The following TRAPPC9 variants were observed in gnomAD, a reference collection of about 807,000 sequenced individuals.
TRAPPC9 encodes the protein trafficking protein particle complex subunit 9.
Under a neutral mutation model 124.0 loss-of-function variants are expected in TRAPPC9, and 83 were observed. The observed-to-expected ratio is 0.67, with a 90% CI of 0.56 to 0.80. The LOEUF (loss-of-function observed/expected upper bound fraction) is 0.80. Ranked by LOEUF, TRAPPC9 falls within the 30% of genes least tolerant of loss-of-function variation. The pLI, the probability that TRAPPC9 is intolerant of heterozygous loss-of-function variation, is 0.00. For missense variants in TRAPPC9, 1,302 were observed against 1,508.3 expected (o/e 0.86, Z 2.27); for synonymous variants, 638 against 617.5 (o/e 1.03, Z -0.49).
intron 17 of TRAPPC9, among the ~76,000 whole-genome samples, chr8:140,205,075 G>A (rs971359766): frequency 6.6e-6 from 1 of 152,222 alleles, no homozygotes; most frequent in Non-Finnish European, 1.5e-5. Flanking sequence ...AAGAAAGTAT[G>A]TGTAGGAATA....
chr8:140,141,568 T>C (rs1343863385), intron 17 of TRAPPC9, among the ~76,000 whole-genome samples: 2 of 152,210 alleles, frequency 1.3e-5, no homozygotes, highest in East Asian at 1.9e-4. Context: ...TCCTTCTAGA[T>C]AAATCAGGAC....
chr8:140,162,675 C>A (rs1483983988), intron 17 of TRAPPC9, among the ~76,000 whole-genome samples: 1 of 152,180 alleles, frequency 6.6e-6, no homozygotes, highest in African/African-American at 2.4e-5. Flanking sequence ...GCGCTTCTTG[C>A]CGCTGAACTC....
intron 19 of TRAPPC9, among the ~76,000 whole-genome samples, chr8:139,979,766 G>A (rs145923522): frequency 1.0e-3 from 153 of 152,306 alleles, no homozygotes; most frequent in Non-Finnish European, 1.8e-3. Flanking sequence ...GACCCACAGC[G>A]TCGAGGACAG....
chr8:140,211,930 A>T (rs988691938), intron 17 of TRAPPC9, among the ~76,000 whole-genome samples: 1 of 152,230 alleles, frequency 6.6e-6, no homozygotes, highest in African/African-American at 2.4e-5. Flanking sequence ...AGGTGCTACC[A>T]TCCAGGTGGG....
intron 16 of TRAPPC9, among the ~76,000 whole-genome samples, chr8:140,231,648 C>T (rs1055039708): frequency 2.7e-5 from 4 of 149,404 alleles, no homozygotes; most frequent in African/African-American, 9.9e-5. Flanking sequence ...GTGGCACCAC[C>T]ACACACAGCT....
At chr8:139,882,397 C>T (rs1389226484) in intron 21 of TRAPPC9, among the ~76,000 whole-genome samples, 1 of 152,208 alleles carries the variant, frequency 6.6e-6, no homozygotes, top group African/African-American at 2.4e-5. Context: ...GCCTCTACTA[C>T]ACCACAGAGG....
At chr8:139,804,503 C>G (rs1046061751) in intron 21 of TRAPPC9, among the ~76,000 whole-genome samples, 1 of 140,864 alleles carries the variant, frequency 7.1e-6, no homozygotes, top group Non-Finnish European at 1.6e-5. Flanking sequence ...CACACACAAC[C>G]ACTACCACCC....
chr8:139,731,219 A>T lies in TRAPPC9; in HGVS notation c.3289T>A (p.Ser1097Thr). The T allele has an allele frequency of 6.2e-7, 1 of 1,613,410 alleles. No individual in the cohort carries two copies. Among genetic ancestry groups the T allele is most frequent in the South Asian group, 1.1e-5 (1 of 91,060 alleles). The change falls in exon 23 of 23, where the codon TCC (serine) becomes ACC (threonine). Residue 1097 changes from serine (S) to threonine (T), a missense_variant. Physicochemically the swap from Ser to Thr is moderately conservative, Grantham distance 58. Coordinates refer to ENST00000438773, the MANE Select transcript of TRAPPC9 (RefSeq NM_001160372.4). ...GCCCCGAGGCAGGCCGACTGGCCGG[A>T]CGGCTGCACCTGAGCAGGGAGGAGA... ...STFYLDAVQP[S>T]GQSACLGALL... is the part of the protein sequence containing the mutation.
chr8:140,206,405 T>C (rs2062918404), intron 17 of TRAPPC9, among the ~76,000 whole-genome samples: 1 of 152,212 alleles, frequency 6.6e-6, no homozygotes, highest in South Asian at 2.1e-4. Flanking sequence ...CTATTATTTA[T>C]ACAGCAATAA....
At chr8:140,193,876 ACAGTGCC>A (rs1336733507) in intron 17 of TRAPPC9, among the ~76,000 whole-genome samples, 1 of 152,230 alleles carries the variant, frequency 6.6e-6, no homozygotes, top group Non-Finnish European at 1.5e-5. Flanking sequence ...AGCACTCAGC[ACAGTGCC>A]CAACGCAAAG....
chr8:140,356,743 G>A (rs935199621), intron 9 of TRAPPC9, among the ~76,000 whole-genome samples: 3 of 151,826 alleles, frequency 2.0e-5, no homozygotes, highest in African/African-American at 7.3e-5. Flanking sequence ...CCAAGTAGCT[G>A]GGATTACAGG....
chr8:140,050,301 G>A (rs1360760326), intron 17 of TRAPPC9, among the ~76,000 whole-genome samples: 1 of 152,204 alleles, frequency 6.6e-6, no homozygotes, highest in East Asian at 1.9e-4. Flanking sequence ...AGTCTGGCAT[G>A]AAATATGCGC....
intron 21 of TRAPPC9, among the ~76,000 whole-genome samples, chr8:139,802,106 C>T (rs150805763): frequency 1.3e-5 from 2 of 152,218 alleles, no homozygotes; most frequent in Non-Finnish European, 2.9e-5. Flanking sequence ...CCTCTCCACT[C>T]CCTGTTGTCC....
chr8:139,928,574 G>T (rs1031865293), intron 19 of TRAPPC9, among the ~76,000 whole-genome samples: 2 of 151,938 alleles, frequency 1.3e-5, no homozygotes, highest in Non-Finnish European at 2.9e-5. Flanking sequence ...TGACCTCAAG[G>T]CCTTTGTGTG....
chr8:140,380,654 CAAAAAAAAA>C (rs563391017), intron 7 of TRAPPC9, among the ~76,000 whole-genome samples: 10 of 48,604 alleles, frequency 2.1e-4, no homozygotes, highest in African/African-American at 4.8e-4. Flanking sequence ...GACTCTGTCT[CAAAAAAAAA>C]AAAAAAAAAA....
chr8:139,873,288 A>G (rs1829119985), intron 21 of TRAPPC9, among the ~76,000 whole-genome samples: 1 of 152,196 alleles, frequency 6.6e-6, no homozygotes, highest in Non-Finnish European at 1.5e-5. Context: ...GGATAGAAAG[A>G]GGATGCCAAC....
chr8:139,810,787 C>T (rs1278299857), intron 21 of TRAPPC9, among the ~76,000 whole-genome samples: 2 of 152,110 alleles, frequency 1.3e-5, no homozygotes, highest in Non-Finnish European at 2.9e-5. Context: ...TGGCATACTC[C>T]AGGATCTCCT....
In TRAPPC9 at chr8:140,009,900, A is replaced by G. The variant is rs138370451; in HGVS notation, c.2699+14037T>C. ...GTGCCTAGGACAGTGCTTCGCAGAA[A>G]ATAGGGTGCAAGGAGTATTAGTTCC... On this transcript the variant is annotated intron_variant, in intron 18 of 22. Transcript: ENST00000438773. Among the ~76,000 whole-genome samples, 18 of 152,336 alleles carry G rather than the reference A, an allele frequency of 1.2e-4. No homozygotes were observed. The East Asian group carries it at 3.1e-3, about 26-fold the overall frequency.
chr8:140,261,630 A>G (rs546288581), intron 15 of TRAPPC9, among the ~76,000 whole-genome samples: 7 of 152,350 alleles, frequency 4.6e-5, no homozygotes, highest in African/African-American at 1.7e-4. Context: ...TCATTCTTTC[A>G]GCTCTCAGTC....
Sources: gnomAD v4.1 joint callset for allele counts (sites outside exome capture counted in the v4.1 genomes callset) on GRCh38, gnomAD v4.1.1 for gene constraint, MANE v1.5 for transcripts, NCBI Gene and HGNC (gene_info 2026-07-23, HGNC 2026-07-21) for gene names.